The following DMD variants were observed in gnomAD, a reference collection of about 807,000 sequenced individuals.
DMD encodes mutant dystrophin.
Under a neutral mutation model 330.1 loss-of-function variants are expected in DMD, and 63 were observed. The ratio of observed to expected loss-of-function variants is 0.19; its 90% CI spans 0.16 to 0.24. The LOEUF is 0.24. DMD is among the 10% of genes least tolerant of loss of function. DMD has a pLI of 1.00. For missense variants in DMD, 3,344 were observed against 2,684.1 expected (o/e 1.25, Z -5.43); for synonymous variants, 1,223 against 959.8 (o/e 1.27, Z -5.07).
intron 55 of DMD, among the ~76,000 whole-genome samples, chrX:31,607,560 CA>C (rs1243956639): frequency 8.9e-6 from 1 of 112,298 alleles, no homozygotes; most frequent in East Asian, 2.8e-4. Flanking sequence ...GATACATTAA[CA>C]GTAGTCTTTT....
intron 9 of DMD, among the ~76,000 whole-genome samples, chrX:32,646,607 T>G (rs187322472): frequency 1.0e-3 from 116 of 111,508 alleles, no homozygotes; most frequent in Non-Finnish European, 8.9e-4. Flanking sequence ...GGCTTTCCCC[T>G]GGTGTGTATG....
chrX:32,968,249 A>AT (rs11341298), intron 2 of DMD, among the ~76,000 whole-genome samples: 51 of 102,653 alleles, frequency 5.0e-4, no homozygotes, highest in East Asian at 6.2e-4. Flanking sequence ...TTTCAAACAG[A>AT]TTTTTTTTTT....
chrX:32,871,163 G>A (rs1191359143), intron 2 of DMD, among the ~76,000 whole-genome samples: 1 of 107,819 alleles, frequency 9.3e-6, no homozygotes, highest in Non-Finnish European at 1.9e-5. Context: ...TCTTAATCTT[G>A]GTCTATTTTT....
intron 4 of DMD, among the ~76,000 whole-genome samples, chrX:32,829,180 T>G (rs1419816424): frequency 9.0e-6 from 1 of 111,344 alleles, no homozygotes; most frequent in African/African-American, 3.2e-5. Context: ...AATTGTGGAG[T>G]TTTTTTCTTT....
At position 32,471,567 on chromosome X, in the gene DMD, T is replaced by C. The variant is rs1472970164; in HGVS notation, c.2949+597A>G. Among the ~76,000 whole-genome samples, 6 of 112,359 alleles carry C rather than the reference T, an allele frequency of 5.3e-5. No individual in the cohort carries two copies. The East Asian group carries it at 8.3e-4, about 16-fold the overall frequency. On this transcript the variant is annotated intron_variant, in intron 22 of 78. Coordinates refer to ENST00000357033, the MANE Select transcript of DMD (RefSeq NM_004006.3). ...GTACTAAACATGTAAGACTTTTTCATTGTCACTACTTCCTAAATAATACAG... is the reference window on the plus strand; with the variant it reads ...GTACTAAACATGTAAGACTTTTTCACTGTCACTACTTCCTAAATAATACAG...
At chrX:31,376,893 G>T (rs2059910959) in intron 60 of DMD, among the ~76,000 whole-genome samples, 1 of 111,679 alleles carries the variant, frequency 9.0e-6, no homozygotes, top group Admixed American at 9.5e-5. Flanking sequence ...GAGAGAGCTT[G>T]GTCCCCTGGA....
rs781702491 is a variant in DMD, at chrX:32,964,255, C to CAAAAAAAAAAAAAAAAAAA, written c.93+55865_93+55883dup. Among the ~76,000 whole-genome samples the CAAAAAAAAAAAAAAAAAAA allele has an allele frequency of 2.2e-3, 78 of 35,154 alleles. 4 individuals carry two copies. The highest frequency in any genetic ancestry group is 7.7e-3 in the African/African-American group (68 of 8,775). The allele number at this position is 35,154 out of a possible 115,157, so 30.5% of individuals were successfully genotyped here. ...CTGGTGACAGAGCAAGACTCCATCT[C>CAAAAAAAAAAAAAAAAAAA]AAAAAAAAAAAAAAAAAAAATTCAC... On this transcript the variant is annotated intron_variant, in intron 2 of 78. Coordinates refer to ENST00000357033, the MANE Select transcript of DMD (RefSeq NM_004006.3).
intron 44 of DMD, among the ~76,000 whole-genome samples, chrX:32,205,495 T>A (rs900974431): frequency 9.0e-6 from 1 of 110,635 alleles, no homozygotes; most frequent in Non-Finnish European, 1.9e-5. Flanking sequence ...ATCAATGGTG[T>A]ACCGACCTCT....
chrX:31,422,992 T>C (rs2063523393), intron 60 of DMD, among the ~76,000 whole-genome samples: 1 of 111,905 alleles, frequency 8.9e-6, no homozygotes, highest in African/African-American at 3.2e-5. Flanking sequence ...GGCAAGACTC[T>C]TGCTGCACGG....
At chrX:32,556,994 A>C (rs1222493106) in intron 16 of DMD, among the ~76,000 whole-genome samples, 2 of 111,897 alleles carry the variant, frequency 1.8e-5, no homozygotes, top group African/African-American at 6.5e-5. Context: ...TGATCCAGGC[A>C]TTACAATAAG....
intron 13 of DMD, among the ~76,000 whole-genome samples, chrX:32,585,419 TGGCCGGGC>T (rs1772481925): frequency 9.0e-6 from 1 of 111,009 alleles, no homozygotes; most frequent in African/African-American, 3.3e-5. Flanking sequence ...ATTGGCCGGG[TGGCCGGGC>T]GTGGTGGCTC....
intron 37 of DMD, among the ~76,000 whole-genome samples, chrX:32,362,285 G>C (rs1487354143): frequency 1.9e-5 from 1 of 53,363 alleles, no homozygotes; most frequent in African/African-American, 9.4e-5. Context: ...AACCAGTAAA[G>C]AGGTAAAAAA....
chrX:32,014,993 C>T (rs918399685), intron 44 of DMD, among the ~76,000 whole-genome samples: 40 of 111,928 alleles, frequency 3.6e-4, no homozygotes, highest in Admixed American at 3.0e-3. Flanking sequence ...TTGTGATTTG[C>T]CTAAGATCTT....
chrX:33,152,850 T>A (rs1014211218), intron 1 of DMD, among the ~76,000 whole-genome samples: 1 of 111,837 alleles, frequency 8.9e-6, no homozygotes, highest in Admixed American at 9.6e-5. Context: ...AGACAGTCAC[T>A]TAAAGCAAAT....
intron 1 of DMD, among the ~76,000 whole-genome samples, chrX:33,110,190 T>C (rs921854705): frequency 1.8e-5 from 2 of 110,645 alleles, no homozygotes; most frequent in Non-Finnish European, 3.8e-5. Context: ...TATGCCCAAT[T>C]TCACAGCATA....
intron 18 of DMD, chrX:32,517,386 A>T (rs1003924991): frequency 2.7e-5 from 3 of 112,281 alleles, no homozygotes; most frequent in African/African-American, 9.7e-5. Flanking sequence ...TATTAAATTA[A>T]TAAAACTTCC....
chrX:31,451,183 CTTCT>C (rs374273651), intron 59 of DMD, among the ~76,000 whole-genome samples: 305 of 92,222 alleles, frequency 3.3e-3, no homozygotes, highest in South Asian at 5.0e-3. Context: ...ATACAGGAGA[CTTCT>C]TTCTTTCTTT....
At chrX:31,177,790 A>G in intron 71 of DMD, 142 bp downstream of exon 71, 1 of 574,983 alleles carries the variant, frequency 1.7e-6, no homozygotes, top group East Asian at 3.6e-5. Flanking sequence ...GAAAAAAAAA[A>G]ACTGAAATGA....
chrX:31,699,250 T>A (rs971899799), intron 52 of DMD, among the ~76,000 whole-genome samples: 2 of 112,029 alleles, frequency 1.8e-5, no homozygotes, highest in African/African-American at 3.2e-5. Flanking sequence ...GATTGGATGA[T>A]CCCTGGAGAT....
Sources: allele counts gnomAD v4.1 joint callset (sites outside exome capture counted in the v4.1 genomes callset), GRCh38; gene constraint gnomAD v4.1.1; transcripts MANE v1.5; gene names NCBI Gene and HGNC (gene_info 2026-07-23, HGNC 2026-07-21).